Variants in MTA3 observed in about 807,000 individuals in gnomAD.
MTA3 encodes metastasis associated 1 family member 3.
A neutral mutation model predicts 83.5 loss-of-function variants in MTA3; 34 were observed. That is an observed-to-expected ratio of 0.41 (90% confidence interval 0.31 to 0.54). The LOEUF is 0.54. Ranked by LOEUF, MTA3 falls within the 20% of genes least tolerant of loss-of-function variation. The pLI, the probability that MTA3 is intolerant of heterozygous loss-of-function variation, is 0.33. For missense variants in MTA3, 761 were observed against 726.4 expected, an observed-to-expected ratio of 1.05 and a Z score of -0.55; for synonymous variants, 303 against 252.7, an observed-to-expected ratio of 1.20 and a Z score of -1.89.
chr2:42,522,520 G>A (rs761614864), intron 2 of MTA3, among the ~76,000 whole-genome samples: 2 of 152,190 alleles, frequency 1.3e-5, no homozygotes, highest in Non-Finnish European at 2.9e-5. Flanking sequence ...GAGGGACCCA[G>A]TGCGGTGGCT....
At chr2:42,593,125 C>G (rs1304521917) in intron 3 of MTA3, among the ~76,000 whole-genome samples, 1 of 151,564 alleles carries the variant, frequency 6.6e-6, no homozygotes, top group Non-Finnish European at 1.5e-5. Flanking sequence ...TGCACTCCAG[C>G]CTTGGCAACA....
chr2:42,510,751 C>G (rs556233761), intron 2 of MTA3, among the ~76,000 whole-genome samples: 51 of 152,260 alleles, frequency 3.3e-4, no homozygotes, highest in African/African-American at 1.2e-3. Context: ...AGCGTTCCAG[C>G]AAAGCAAGCC....
At position 42,687,388 on chromosome 2, in the gene MTA3, G is replaced by A. The variant is rs552726506; in HGVS notation, c.891+4799G>A. Among the ~76,000 whole-genome samples, 4 of 152,060 alleles carry A rather than the reference G, an allele frequency of 2.6e-5. No individual in the cohort carries two copies. The South Asian group carries it at 8.3e-4, about 31-fold the overall frequency. On this transcript the variant is annotated intron_variant, in intron 9 of 16. Transcript: ENST00000405094. ...ATCAGTGTTGCTGCATATATCAGTC[G>A]TTCATTTTCACTGCCTAGTAGTACT...
At chr2:42,554,771 G>A (rs1365994400) in intron 2 of MTA3, among the ~76,000 whole-genome samples, 1 of 152,212 alleles carries the variant, frequency 6.6e-6, no homozygotes, top group African/African-American at 2.4e-5. Context: ...CCCAGTGTTT[G>A]TGTGCAGCAG....
Position 42,568,642 on chromosome 2 carries a change from A to G in MTA3, c.-104A>G. 1 of 376,186 alleles carries G rather than the reference A, an allele frequency of 2.7e-6. No homozygotes were observed. Among genetic ancestry groups the G allele is most frequent in the Non-Finnish European group, 3.6e-6 (1 of 277,684 alleles). The allele number at this position is 376,186 out of a possible 1,614,324, so 23.3% of individuals were successfully genotyped here. A position where few individuals can be genotyped will look rare whatever the true frequency, so the allele number is the denominator to read the frequency against. ...CCTCCCTTCCCCCCCGTGGCGAGGC[A>G]GCAGCGACGGCGGCGGCGGCAGCGG... On this transcript the variant is annotated 5_prime_UTR_variant, in exon 1 of 17. Transcript: ENST00000405094.
intron 2 of MTA3, among the ~76,000 whole-genome samples, chr2:42,546,541 A>C (rs78800851): frequency 6.6e-6 from 1 of 152,250 alleles, no homozygotes; most frequent in Non-Finnish European, 1.5e-5. Flanking sequence ...AATTACTTGC[A>C]GTTTCCTATG....
chr2:42,639,243 T>G (rs1381026111), intron 4 of MTA3, among the ~76,000 whole-genome samples: 1 of 152,078 alleles, frequency 6.6e-6, no homozygotes, highest in Non-Finnish European at 1.5e-5. Context: ...AGCTTCTTAT[T>G]TAATATATAT....
At chr2:42,622,411 GGAGGTA>G (rs1685672477) in intron 4 of MTA3, among the ~76,000 whole-genome samples, 1 of 150,504 alleles carries the variant, frequency 6.6e-6, no homozygotes, top group Non-Finnish European at 1.5e-5. Context: ...AGGGGTAGGG[GGAGGTA>G]GAGGGGGAGG....
At chr2:42,744,624 A>G (rs1669279675) in intron 16 of MTA3, among the ~76,000 whole-genome samples, 1 of 152,188 alleles carries the variant, frequency 6.6e-6, no homozygotes, top group Admixed American at 6.5e-5. Flanking sequence ...TCTGAGAGCT[A>G]GGTCTCTCAC....
At chr2:42,561,070 A>G (rs1375389590) in intron 2 of MTA3, among the ~76,000 whole-genome samples, 1 of 152,100 alleles carries the variant, frequency 6.6e-6, no homozygotes, top group African/African-American at 2.4e-5. Flanking sequence ...TGCTCTCCAC[A>G]CTGGCCTTTC....
chr2:42,740,452 A>G (rs1468872931), intron 16 of MTA3, among the ~76,000 whole-genome samples: 1 of 152,210 alleles, frequency 6.6e-6, no homozygotes, highest in African/African-American at 2.4e-5. Context: ...GTCGAGGCCC[A>G]GTGAGCCATG....
At chr2:42,653,915 T>A (rs1032268670) in intron 6 of MTA3, among the ~76,000 whole-genome samples, 5 of 152,212 alleles carry the variant, frequency 3.3e-5, no homozygotes, top group Non-Finnish European at 5.9e-5. Context: ...TATCTATCCT[T>A]ATTTAAATTA....
chr2:42,625,176 C>T (rs1406015768), intron 4 of MTA3, among the ~76,000 whole-genome samples: 21 of 151,738 alleles, frequency 1.4e-4, no homozygotes, highest in African/African-American at 4.1e-4. Context: ...GGATTACAGG[C>T]GCCCGCCACC....
chr2:42,575,923 C>T (rs779499968), intron 2 of MTA3, among the ~76,000 whole-genome samples: 13 of 152,068 alleles, frequency 8.5e-5, no homozygotes, highest in Non-Finnish European at 1.8e-4. Context: ...CATGTAATAG[C>T]GAGTTTCTGG....
chr2:42,701,763 A>C (rs1558598089), intron 11 of MTA3, among the ~76,000 whole-genome samples: 1 of 151,124 alleles, frequency 6.6e-6, no homozygotes, highest in Non-Finnish European at 1.5e-5. Flanking sequence ...TAAAAATACA[A>C]AAATTAGCTG....
rs576696563 is a variant in MTA3 at position 42,740,737 on chromosome 2, C to A, written c.1760-12637C>A. On this transcript the variant is annotated intron_variant, in intron 16 of 16. Coordinates refer to ENST00000405094, the MANE Select transcript of MTA3 (RefSeq NM_001330442.2). ...AGCAAGCTTAAGATATTCCGTAAAC[C>A]ATGCTGTAAACAGAGGTGCTATCAT... Among the ~76,000 whole-genome samples the A allele has an allele frequency of 7.2e-5, 11 of 152,330 alleles. No individual in the cohort carries two copies. In the East Asian group the frequency reaches 1.5e-3, roughly 21 times the overall value.
chr2:42,645,244 G>T (rs562347973), intron 6 of MTA3, among the ~76,000 whole-genome samples: 5 of 151,300 alleles, frequency 3.3e-5, no homozygotes, highest in South Asian at 4.2e-4. Context: ...AGCAAAACAG[G>T]CTGGGTGCAG....
chr2:42,729,663 A>C (rs1212857224), intron 16 of MTA3, among the ~76,000 whole-genome samples: 1 of 152,128 alleles, frequency 6.6e-6, no homozygotes, highest in East Asian at 1.9e-4. Flanking sequence ...GTCTGTTTTT[A>C]TGCCAGTACC....
chr2:42,753,274 G>C lies in MTA3; in HGVS notation c.1760-100G>C, dbSNP rs1304579172. 10 of 1,537,404 alleles carry C rather than the reference G, an allele frequency of 6.5e-6. No individual in the cohort carries two copies. The East Asian group carries it at 2.2e-4, about 34-fold the overall frequency. Reference sequence around the variant, plus strand: ...ACCTACTGCTGAGCCTCCTTTCCCTGAAGGTTGTGATGTTGGGAGGGGTGA... The same window carrying C: ...ACCTACTGCTGAGCCTCCTTTCCCTCAAGGTTGTGATGTTGGGAGGGGTGA... On this transcript the variant is annotated intron_variant, in intron 16 of 16. Transcript: ENST00000405094.
Sources: gnomAD v4.1 joint callset for allele counts (sites outside exome capture counted in the v4.1 genomes callset) on GRCh38, gnomAD v4.1.1 for gene constraint, MANE v1.5 for transcripts, NCBI Gene and HGNC (gene_info 2026-07-23, HGNC 2026-07-21) for gene names.